ECI2: variants seen among roughly 807,000 people sequenced by gnomAD.
The protein encoded by ECI2 is enoyl-CoA delta isomerase 2.
In ECI2, 27 loss-of-function variants were observed where a neutral mutation model predicts 38.4. The ratio of observed to expected loss-of-function variants is 0.70; its 90% CI spans 0.52 to 0.97. The LOEUF (loss-of-function observed/expected upper bound fraction) is 0.97, where lower values mean the gene tolerates loss of function less well. ECI2 is among the 50% of genes least tolerant of loss of function. The pLI, the probability that ECI2 is intolerant of heterozygous loss-of-function variation, is 0.00. For missense variants in ECI2, 470 were observed against 474.4 expected (o/e 0.99, Z 0.09); for synonymous variants, 168 against 172.0 (o/e 0.98, Z 0.18).
chr6:4,126,040 C>A (rs1285133738), intron 6 of ECI2, 95 bp downstream of exon 6: 1 of 962,474 alleles, frequency 1.0e-6, no homozygotes, highest in African/African-American at 1.6e-5. Flanking sequence ...TGCACTGACA[C>A]AGAGAAGCAG....
rs910684070 is a variant in ECI2, at chr6:4,132,826, G to A, written c.213+723C>T. ...GTCACTCAGGCTGGAGTGCAGTGGC[G>A]CAATCTTGGCTCATTGCAACCTGCA... is the stretch of plus-strand genomic sequence containing the variant. On this transcript the variant is annotated intron_variant, in intron 2 of 9. Transcript: ENST00000380118. Among the ~76,000 whole-genome samples the A allele has an allele frequency of 9.9e-5, 15 of 152,094 alleles. 1 individual carries two copies. The highest frequency in any genetic ancestry group is 5.8e-4 in the East Asian group (3 of 5,190).
chr6:4,115,829 C>T lies in ECI2; in HGVS notation c.*45G>A, dbSNP rs1772221056. On this transcript the variant is annotated 3_prime_UTR_variant, in exon 10 of 10. Coordinates refer to ENST00000380118, the MANE Select transcript of ECI2 (RefSeq NM_206836.3). ...TTCCAGTACTGGAAATCAGAGGTAA[C>T]AGCACATCCTTCCTTGGACATGCTT... 2.5e-6 allele frequency: 4 copies of T among 1,574,148 alleles called. No individual in the cohort carries two copies. In the East Asian group the frequency reaches 6.7e-5, roughly 26 times the overall value.
intron 9 of ECI2, among the ~76,000 whole-genome samples, chr6:4,116,485 G>C (rs1772281822): frequency 6.6e-6 from 1 of 151,116 alleles, no homozygotes; most frequent in Non-Finnish European, 1.5e-5. Context: ...CTGTCGCCCA[G>C]GCTGGAGTGC....
intron 1 of ECI2, among the ~76,000 whole-genome samples, chr6:4,134,761 C>A (rs545395304): frequency 6.6e-6 from 1 of 152,042 alleles, no homozygotes; most frequent in East Asian, 1.9e-4. Flanking sequence ...ACGTAGAAAA[C>A]GAAAGAAAAA....
Position 4,125,359 on chromosome 6 carries a change from C to G in ECI2, c.686G>C (p.Gly229Ala). 6.2e-7 allele frequency: 1 copy of G among 1,614,086 alleles called. No homozygotes were observed. The highest frequency in any genetic ancestry group is 8.5e-7 in the Non-Finnish European group (1 of 1,180,028). ...NNAVLLREFV[G>A]CFIDFPKPLI... ...AGGCTTAGGAAAATCTATAAAACAG[C>G]CCACAAATTCCCTACAGAAATGGAA... The change falls in exon 7 of 10, where the codon GGC becomes GCC. Residue 229 changes from glycine to alanine, a missense_variant. Transcript: ENST00000380118.
intron 7 of ECI2, among the ~76,000 whole-genome samples, 179 bp from the exon 8 acceptor site, chr6:4,119,454 A>G (rs2113970753): frequency 6.6e-6 from 1 of 151,996 alleles, no homozygotes; most frequent in East Asian, 1.9e-4. Flanking sequence ...CACAGCAGCT[A>G]CGATTACAGG....
Position 4,117,523 on chromosome 6 carries a change from G to C in ECI2, c.886-72C>G. 2 of 1,568,052 alleles carry C rather than the reference G, an allele frequency of 1.3e-6. 1 individual carries two copies. The highest frequency in any genetic ancestry group is 2.4e-5 in the South Asian group (2 of 82,068). On this transcript the variant is annotated intron_variant, in intron 8 of 9. Coordinates refer to ENST00000380118, the MANE Select transcript of ECI2 (RefSeq NM_206836.3). ...ACAAGGCTTCAGTTAACTGCTTTCA[G>C]GAGGCTTAGAGAGATGTACTCATGG...
At chr6:4,126,831 T>C (rs1773193227) in intron 5 of ECI2, among the ~76,000 whole-genome samples, 1 of 152,228 alleles carries the variant, frequency 6.6e-6, no homozygotes, top group South Asian at 2.1e-4. Flanking sequence ...GTACAATTTA[T>C]ATACAATAAA....
At chr6:4,120,405 G>A (rs1772636899) in intron 7 of ECI2, among the ~76,000 whole-genome samples, 1 of 152,132 alleles carries the variant, frequency 6.6e-6, no homozygotes, top group Non-Finnish European at 1.5e-5. Context: ...TATAACAAAT[G>A]GCATTTGTGT....
At chr6:4,126,059 C>T in intron 6 of ECI2, 76 bp downstream of exon 6, 1 of 1,210,864 alleles carries the variant, frequency 8.3e-7, no homozygotes, top group Non-Finnish European at 1.2e-6. Flanking sequence ...AGATATTGCA[C>T]TTTTGCTCAA....
chr6:4,127,473 G>A (rs1351287622), intron 5 of ECI2, among the ~76,000 whole-genome samples: 2 of 135,596 alleles, frequency 1.5e-5, no homozygotes, highest in Non-Finnish European at 3.0e-5. Context: ...GGAGTGCAGT[G>A]GCGCGACCTC....
intron 7 of ECI2, among the ~76,000 whole-genome samples, chr6:4,123,412 G>C (rs1322510194): frequency 6.6e-6 from 1 of 151,748 alleles, no homozygotes; most frequent in East Asian, 1.9e-4. Context: ...CCTGACCTCA[G>C]GTGATCTGCC....
rs772895255 is a variant in ECI2, at chr6:4,133,533, G to A, written c.213+16C>T. ...GCCCAAAATTCTTTAAATAACGTTC[G>A]ACCGTAGGCATTTACCTGCTTATAT... On this transcript the variant is annotated intron_variant, in intron 2 of 9. Transcript: ENST00000380118. 17 of 1,584,202 alleles carry A rather than the reference G, an allele frequency of 1.1e-5. No homozygotes were observed. The Middle Eastern group carries it at 1.0e-3, about 95-fold the overall frequency.
chr6:4,130,090 C>G lies in ECI2; in HGVS notation c.501+282G>C, dbSNP rs1773423669. ...CTTAGATGGCTTCTATGCAAATTCT[C>G]TCATAGCAACATGTTTCATTTATAT... On this transcript the variant is annotated intron_variant, in intron 4 of 9. Transcript: ENST00000380118. 6 of 1,607,280 alleles carry G rather than the reference C, an allele frequency of 3.7e-6. No individual in the cohort carries two copies. The South Asian group carries it at 5.5e-5, about 15-fold the overall frequency.
At chr6:4,116,789 C>G (rs374368173) in intron 9 of ECI2, among the ~76,000 whole-genome samples, 28 of 152,142 alleles carry the variant, frequency 1.8e-4, no homozygotes, top group African/African-American at 6.5e-4. Context: ...TAAGACAGTG[C>G]TTCTCAAAAT....
intron 3 of ECI2, 60 bp from the exon 4 acceptor site, chr6:4,130,620 G>A (rs1367364577): frequency 6.2e-7 from 1 of 1,612,534 alleles, no homozygotes; most frequent in African/African-American, 1.3e-5. Context: ...CTTTGAGAAA[G>A]TTACTATACT....
At chr6:4,128,109 T>C (rs1409016509) in intron 4 of ECI2, among the ~76,000 whole-genome samples, 1 of 152,120 alleles carries the variant, frequency 6.6e-6, no homozygotes, top group East Asian at 1.9e-4. Flanking sequence ...AAATAGTCCT[T>C]GAGCTTTTGG....
chr6:4,126,074 A>G, intron 6 of ECI2, 61 bp downstream of exon 6: 1 of 1,387,250 alleles, frequency 7.2e-7, no homozygotes, highest in Non-Finnish European at 1.0e-6. Context: ...GCTCAACTAA[A>G]TACCACTTTG....
chr6:4,117,128 A>G (rs1398302090), intron 9 of ECI2, among the ~76,000 whole-genome samples, 180 bp downstream of exon 9: 3 of 152,228 alleles, frequency 2.0e-5, no homozygotes, highest in African/African-American at 7.2e-5. Context: ...TAAGTTTTGT[A>G]AAAATCAGTA....
Sources: gnomAD v4.1 joint callset for allele counts (sites outside exome capture counted in the v4.1 genomes callset) on GRCh38, gnomAD v4.1.1 for gene constraint, MANE v1.5 for transcripts, NCBI Gene and HGNC (gene_info 2026-07-23, HGNC 2026-07-21) for gene names.